FHIT: variants seen among roughly 807,000 people sequenced by gnomAD.
FHIT encodes the protein fragile histidine triad diadenosine triphosphatase, also known as bis(5'-adenosyl)-triphosphatase.
Under a neutral mutation model 17.9 loss-of-function variants are expected in FHIT, and 19 were observed. The observed-to-expected ratio is 1.06, with a 90% CI of 0.74 to 1.56. The LOEUF (loss-of-function observed/expected upper bound fraction) is 1.56, where lower values mean the gene tolerates loss of function less well. Ranked by LOEUF, FHIT falls within the 40% of genes most tolerant of loss-of-function variation. The pLI is 0.00. For synonymous variants in FHIT, 81 were observed against 69.7 expected (o/e 1.16, Z -0.81); for missense variants, 248 against 189.2 (o/e 1.31, Z -1.82).
At chr3:60,077,653 A>C (rs1436021381) in intron 5 of FHIT, 2 of 151,070 alleles carry the variant, frequency 1.3e-5, no homozygotes, top group Non-Finnish European at 2.9e-5. Context: ...TATCCCAGAG[A>C]CTACAGAATT....
chr3:60,737,857 G>T (rs1455542344), intron 4 of FHIT, among the ~76,000 whole-genome samples: 1 of 152,074 alleles, frequency 6.6e-6, no homozygotes, highest in East Asian at 1.9e-4. Flanking sequence ...GGTTTTTATT[G>T]ATTTTCCCCT....
At chr3:60,228,494 A>G (rs1339475855) in intron 5 of FHIT, among the ~76,000 whole-genome samples, 1 of 152,206 alleles carries the variant, frequency 6.6e-6, no homozygotes, top group Non-Finnish European at 1.5e-5. Context: ...ATCTACTAAA[A>G]AGATAAAATT....
intron 5 of FHIT, among the ~76,000 whole-genome samples, chr3:60,143,576 T>C (rs1193909313): frequency 6.6e-6 from 1 of 152,094 alleles, no homozygotes; most frequent in Non-Finnish European, 1.5e-5. Context: ...TAAATGATTA[T>C]TGTTTTAAAC....
At chr3:60,822,467 C>T (rs1553739656) in intron 3 of FHIT, among the ~76,000 whole-genome samples, 1 of 152,116 alleles carries the variant, frequency 6.6e-6, no homozygotes, top group African/African-American at 2.4e-5. Flanking sequence ...GGCCAGTTTA[C>T]TCACTTTCCC....
At chr3:60,516,941 G>C (rs896647107) in intron 5 of FHIT, among the ~76,000 whole-genome samples, 4 of 152,144 alleles carry the variant, frequency 2.6e-5, no homozygotes, top group Admixed American at 2.6e-4. Flanking sequence ...TGGGAGCTAA[G>C]AAAACATAAT....
chr3:60,491,286 C>T (rs952243029), intron 5 of FHIT, among the ~76,000 whole-genome samples: 1 of 152,032 alleles, frequency 6.6e-6, no homozygotes, highest in Non-Finnish European at 1.5e-5. Context: ...TTTCTCTCTC[C>T]ACACACCCAC....
chr3:59,753,414 A>G (rs1701027327), intron 8 of FHIT, among the ~76,000 whole-genome samples: 1 of 152,214 alleles, frequency 6.6e-6, no homozygotes, highest in Non-Finnish European at 1.5e-5. Context: ...AGTGAATACA[A>G]TTTCAATTCT....
At chr3:60,316,716 A>AACTT (rs1282781965) in intron 5 of FHIT, among the ~76,000 whole-genome samples, 1 of 152,218 alleles carries the variant, frequency 6.6e-6, no homozygotes, top group Non-Finnish European at 1.5e-5. Flanking sequence ...ACTGTTCTGT[A>AACTT]ACTTAGCACA....
intron 8 of FHIT, among the ~76,000 whole-genome samples, chr3:59,773,896 A>C (rs1702184193): frequency 6.6e-6 from 1 of 152,220 alleles, no homozygotes; most frequent in South Asian, 2.1e-4. Flanking sequence ...TAAAGTACAT[A>C]CCAGATTTAG....
At position 59,970,866 on chromosome 3, in the gene FHIT, C is replaced by G. The variant is rs528760597; in HGVS notation, c.279+40505G>C. ...TTTTTTTTTTTCATTTCTAAAATTT[C>G]TACATTCAATCAGGGTTTAACCGGT... On this transcript the variant is annotated intron_variant, in intron 7 of 9. Transcript: ENST00000492590. Among the ~76,000 whole-genome samples, 419 of 148,870 alleles carry G rather than the reference C, an allele frequency of 2.8e-3. 1 individual carries two copies. Among genetic ancestry groups the G allele is most frequent in the Middle Eastern group, 6.8e-3 (2 of 292 alleles).
chr3:61,235,460 T>C (rs965858430), intron 1 of FHIT, among the ~76,000 whole-genome samples: 1 of 152,226 alleles, frequency 6.6e-6, no homozygotes, highest in Non-Finnish European at 1.5e-5. Context: ...TTTAACTTGC[T>C]TTCAATTTTT....
At chr3:60,880,032 G>A (rs1351526477) in intron 3 of FHIT, among the ~76,000 whole-genome samples, 5 of 151,920 alleles carry the variant, frequency 3.3e-5, no homozygotes, top group African/African-American at 1.2e-4. Flanking sequence ...TACAGATCCA[G>A]GAAACTCAAA....
At chr3:60,744,276 A>ACAAAAAAC (rs2042310712) in intron 4 of FHIT, among the ~76,000 whole-genome samples, 1 of 144,986 alleles carries the variant, frequency 6.9e-6, no homozygotes, top group Non-Finnish European at 1.5e-5. Flanking sequence ...AACAAAAAAA[A>ACAAAAAAC]AAAAAAACAG....
intron 5 of FHIT, among the ~76,000 whole-genome samples, chr3:60,195,476 C>T (rs566869198): frequency 1.3e-5 from 2 of 149,242 alleles, no homozygotes; most frequent in East Asian, 4.0e-4. Flanking sequence ...TATTGCAACA[C>T]AGTTCACAAT....
At chr3:60,781,665 A>G (rs998658802) in intron 4 of FHIT, among the ~76,000 whole-genome samples, 4 of 152,140 alleles carry the variant, frequency 2.6e-5, no homozygotes, top group Non-Finnish European at 5.9e-5. Context: ...TGCTAAGTCT[A>G]TTGTGAAAAT....
chr3:60,431,930 C>A (rs1016860670), intron 5 of FHIT, among the ~76,000 whole-genome samples: 1 of 152,044 alleles, frequency 6.6e-6, no homozygotes, highest in Non-Finnish European at 1.5e-5. Context: ...CCTCTGCTCA[C>A]CCCACTGACC....
At chr3:60,190,862 G>A (rs1271361781) in intron 5 of FHIT, among the ~76,000 whole-genome samples, 1 of 152,064 alleles carries the variant, frequency 6.6e-6, no homozygotes, top group East Asian at 1.9e-4. Flanking sequence ...AGAATCCCTT[G>A]AATCCGGGAG....
At chr3:60,255,615 A>C (rs1251670674) in intron 5 of FHIT, among the ~76,000 whole-genome samples, 1 of 152,190 alleles carries the variant, frequency 6.6e-6, no homozygotes, top group Non-Finnish European at 1.5e-5. Context: ...TTCCTATGTG[A>C]AATGTCCCAA....
At chr3:60,267,280 T>C (rs1706629711) in intron 5 of FHIT, among the ~76,000 whole-genome samples, 1 of 151,978 alleles carries the variant, frequency 6.6e-6, no homozygotes, top group Non-Finnish European at 1.5e-5. Flanking sequence ...AATTATTTTT[T>C]AGTAACAAGC....
Sources: gnomAD v4.1 joint callset for allele counts (sites outside exome capture counted in the v4.1 genomes callset) on GRCh38, gnomAD v4.1.1 for gene constraint, MANE v1.5 for transcripts, NCBI Gene and HGNC (gene_info 2026-07-23, HGNC 2026-07-21) for gene names.